Variants in BRD7 observed in about 807,000 individuals in gnomAD.
BRD7 encodes the protein bromodomain containing 7, also known as bromodomain-containing protein 7.
BRD7 carries 15 observed loss-of-function variants against 82.1 expected under a neutral mutation model. The ratio of observed to expected loss-of-function variants is 0.18; its 90% CI spans 0.12 to 0.28. The LOEUF is 0.28. Among genes scored for constraint, BRD7 ranks in the 10% least tolerant of loss-of-function variants. BRD7 has a pLI of 1.00. For synonymous variants in BRD7, 232 were observed against 266.9 expected (o/e 0.87, Z 1.27); for missense variants, 638 against 779.9 (o/e 0.82, Z 2.17).
chr16:50,322,016 T>C lies in BRD7; in HGVS notation c.1466A>G (p.His489Arg). The C allele has an allele frequency of 1.9e-6, 3 of 1,611,354 alleles. No homozygotes were observed. The highest frequency in any genetic ancestry group is 1.1e-5 in the South Asian group (1 of 90,268). The part of the protein sequence containing the change: ...MEMSLPEDEG[H>R]TRTLDTAKEM... ...TTTTGCTGTGTCAAGTGTCCTAGTA[T>C]GGCCTTCATCTTCAGGCAATGACTA... Residue 489 changes from histidine to arginine, a missense_variant, in exon 13 of 17, where the codon CAT (histidine) becomes CGT (arginine). His to Arg is a conservative substitution (Grantham distance 29). Transcript: ENST00000394688.
At chr16:50,338,579 C>CT (rs2037914842) in intron 6 of BRD7, among the ~76,000 whole-genome samples, 1 of 152,354 alleles carries the variant, frequency 6.6e-6, no homozygotes, top group Non-Finnish European at 1.5e-5. Context: ...GCTCTGGACT[C>CT]TGATTCCTTT....
chr16:50,363,660 T>TGTGTGTGC (rs138025982), intron 2 of BRD7, among the ~76,000 whole-genome samples: 2,763 of 102,450 alleles, frequency 0.027, 30 homozygotes, highest in Middle Eastern at 0.045. Flanking sequence ...TGTGTGTGTG[T>TGTGTGTGC]GCGCGCGCGC....
At chr16:50,335,984 C>A (rs4569279) in intron 6 of BRD7, among the ~76,000 whole-genome samples, 152,183 of 152,372 alleles carry the variant, frequency 1, 75,997 homozygotes, top group Non-Finnish European at 1. Flanking sequence ...CTCCTAATGT[C>A]TCATCCAGAG....
At chr16:50,351,832 TTGTATGTATGTA>T (rs374839523) in intron 4 of BRD7, among the ~76,000 whole-genome samples, 123 of 152,044 alleles carry the variant, frequency 8.1e-4, no homozygotes, top group African/African-American at 2.5e-3. Context: ...CGGTGTATCC[TTGTATGTATGTA>T]TGTATGTATG....
chr16:50,358,219 G>A (rs1449610945), intron 2 of BRD7, among the ~76,000 whole-genome samples: 2 of 152,076 alleles, frequency 1.3e-5, no homozygotes, highest in Non-Finnish European at 2.9e-5. Context: ...TAAGAGTCCA[G>A]CTTCATCCTT....
At chr16:50,335,271 T>C (rs1051342807) in intron 6 of BRD7, among the ~76,000 whole-genome samples, 2 of 152,228 alleles carry the variant, frequency 1.3e-5, no homozygotes, top group Non-Finnish European at 2.9e-5. Context: ...AGTTAAGAAC[T>C]GTTAGGTGTA....
intron 2 of BRD7, among the ~76,000 whole-genome samples, chr16:50,360,447 C>T (rs1038826001): frequency 6.6e-6 from 1 of 152,170 alleles, no homozygotes; most frequent in Non-Finnish European, 1.5e-5. Flanking sequence ...TGTTTCATTA[C>T]CTGGCAGCTG....
chr16:50,338,281 G>A (rs2037900837), intron 6 of BRD7, among the ~76,000 whole-genome samples: 1 of 152,140 alleles, frequency 6.6e-6, no homozygotes. Context: ...TGGGTAACTG[G>A]CTTCCATTAG....
intron 5 of BRD7, among the ~76,000 whole-genome samples, chr16:50,344,440 T>C (rs570116844): frequency 1.3e-4 from 20 of 152,258 alleles, no homozygotes; most frequent in Admixed American, 6.5e-4. Flanking sequence ...GAAGAATGCT[T>C]CAGACGATCA....
intron 11 of BRD7, 70 bp from the exon 12 acceptor site, chr16:50,323,768 C>T: frequency 1.8e-6 from 2 of 1,103,742 alleles, no homozygotes; most frequent in Non-Finnish European, 2.8e-6. Context: ...TCAGAGCCAA[C>T]TGTTTCCACT....
chr16:50,334,147 A>C (rs988258331), intron 7 of BRD7, among the ~76,000 whole-genome samples: 3 of 152,186 alleles, frequency 2.0e-5, no homozygotes, highest in African/African-American at 7.2e-5. Flanking sequence ...AACCCTCCCC[A>C]AAGTTGGCAG....
intron 13 of BRD7, 112 bp from the exon 14 acceptor site, chr16:50,320,886 A>G (rs2037072587): frequency 1.4e-6 from 1 of 725,192 alleles, no homozygotes; most frequent in Non-Finnish European, 2.4e-6. Context: ...CTACCTATTT[A>G]CTATGGAGTC....
chr16:50,357,843 T>C (rs2038795890), intron 2 of BRD7, among the ~76,000 whole-genome samples: 1 of 151,546 alleles, frequency 6.6e-6, no homozygotes, highest in Admixed American at 6.6e-5. Flanking sequence ...CCGCTGCGGG[T>C]GGTGGTGCAC....
intron 4 of BRD7, 110 bp downstream of exon 4, chr16:50,354,315 T>C (rs1285059924): frequency 1.1e-6 from 1 of 882,558 alleles, no homozygotes; most frequent in Non-Finnish European, 1.7e-6. Flanking sequence ...AAAATATTTA[T>C]CATTCACTTT....
intron 2 of BRD7, among the ~76,000 whole-genome samples, chr16:50,358,295 T>G (rs1309528499): frequency 8.4e-6 from 1 of 119,188 alleles, no homozygotes; most frequent in African/African-American, 3.1e-5. Context: ...GAGGCCGAGG[T>G]GGGTGGATCA....
chr16:50,321,450 A>T (rs1184306176), intron 13 of BRD7, among the ~76,000 whole-genome samples: 1 of 151,672 alleles, frequency 6.6e-6, no homozygotes, highest in African/African-American at 2.4e-5. Context: ...ACCTGTAATC[A>T]CAGCTACTCG....
intron 9 of BRD7, among the ~76,000 whole-genome samples, chr16:50,327,088 C>CTGA (rs528495683): frequency 6.4e-4 from 97 of 152,344 alleles, no homozygotes; most frequent in Admixed American, 9.8e-4. Context: ...TGTTAAGCAA[C>CTGA]TGAACATCTA....
At chr16:50,335,899 T>G (rs529643084) in intron 6 of BRD7, among the ~76,000 whole-genome samples, 1 of 152,286 alleles carries the variant, frequency 6.6e-6, no homozygotes, top group Admixed American at 6.5e-5. Flanking sequence ...ACTTTTAAAG[T>G]AATCTTAAAA....
At chr16:50,331,296 G>T (rs1036399347) in intron 8 of BRD7, among the ~76,000 whole-genome samples, 1 of 152,180 alleles carries the variant, frequency 6.6e-6, no homozygotes, top group Non-Finnish European at 1.5e-5. Flanking sequence ...ATTCTTCACA[G>T]ATTCAGAAAA....
Sources: gnomAD v4.1 joint callset for allele counts (sites outside exome capture counted in the v4.1 genomes callset) on GRCh38, gnomAD v4.1.1 for gene constraint, MANE v1.5 for transcripts, NCBI Gene and HGNC (gene_info 2026-07-23, HGNC 2026-07-21) for gene names.